Variants in DENND1A observed in about 807,000 individuals in gnomAD.
DENND1A encodes DENN domain-containing protein 1A.
In DENND1A, 51 loss-of-function variants were observed where a neutral mutation model predicts 113.7. The ratio of observed to expected loss-of-function variants is 0.45; its 90% CI spans 0.36 to 0.57. The LOEUF is 0.57. DENND1A is among the 20% of genes least tolerant of loss of function. The pLI is 0.00. For synonymous variants in DENND1A, 565 were observed against 570.8 expected (o/e 0.99, Z 0.14); for missense variants, 1,258 against 1,395.9 (o/e 0.90, Z 1.57).
chr9:123,499,054 G>T lies in DENND1A; in HGVS notation c.994-41157C>A, dbSNP rs892466123. 5.3e-5 allele frequency among the ~76,000 whole-genome samples: 8 copies of T among 151,630 alleles called. No homozygotes were observed. The East Asian group carries it at 1.6e-3, about 30-fold the overall frequency. On this transcript the variant is annotated intron_variant, in intron 13 of 23. Coordinates refer to ENST00000394215, the MANE Select transcript of DENND1A (RefSeq NM_001352964.2). ...AAAAAATCTTTTCTTTTTTGTTTGA[G>T]ACTGAGTTTCACTCTGTTGCCCAGA... is the stretch of plus-strand genomic sequence containing the variant.
intron 10 of DENND1A, among the ~76,000 whole-genome samples, chr9:123,619,585 A>G (rs746478364): frequency 6.6e-6 from 1 of 152,170 alleles, no homozygotes; most frequent in Middle Eastern, 3.4e-3. Flanking sequence ...ACACCTGGCT[A>G]ATTTTTGTAT....
rs117992311 is a variant in DENND1A at position 123,881,727 on chromosome 9, G to C, written c.18-2706C>G. 5.1e-3 allele frequency among the ~76,000 whole-genome samples: 773 copies of C among 152,324 alleles called. 5 individuals are homozygous for C. Among genetic ancestry groups the C allele is most frequent in the South Asian group, 8.7e-3 (42 of 4,830 alleles). ...ACCACAGGGTGTTTTGTACAGCCCT[G>C]CTATCTAAGTGAAAAATGGCCTAAT... is the stretch of plus-strand genomic sequence containing the variant. On this transcript the variant is annotated intron_variant, in intron 1 of 23. Coordinates refer to ENST00000394215, the MANE Select transcript of DENND1A (RefSeq NM_001352964.2).
intron 13 of DENND1A, among the ~76,000 whole-genome samples, chr9:123,515,133 A>G (rs963839078): frequency 1.8e-4 from 28 of 152,350 alleles, no homozygotes; most frequent in African/African-American, 6.5e-4. Context: ...AGACATAACA[A>G]CCATAGGCAA....
intron 14 of DENND1A, 91 bp from the exon 15 acceptor site, chr9:123,457,526 G>A (rs962743871): frequency 1.1e-5 from 12 of 1,095,098 alleles, no homozygotes; most frequent in Non-Finnish European, 1.6e-5. Flanking sequence ...TCCAAGGTAG[G>A]AGTTTTCAAA....
At chr9:123,547,009 C>T (rs915506440) in intron 13 of DENND1A, among the ~76,000 whole-genome samples, 7 of 152,188 alleles carry the variant, frequency 4.6e-5, no homozygotes, top group African/African-American at 1.7e-4. Flanking sequence ...CTACTTTTTA[C>T]TTGGGCAGTC....
At chr9:123,755,543 G>A (rs2070462771) in intron 5 of DENND1A, among the ~76,000 whole-genome samples, 1 of 149,926 alleles carries the variant, frequency 6.7e-6, no homozygotes, top group African/African-American at 2.5e-5. Context: ...TTACAGGAGT[G>A]AGCCCACGTG....
At chr9:123,461,637 T>C (rs2048533522) in intron 13 of DENND1A, among the ~76,000 whole-genome samples, 1 of 152,144 alleles carries the variant, frequency 6.6e-6, no homozygotes, top group Admixed American at 6.5e-5. Context: ...ACCAGATTCG[T>C]AGATGAGGTA....
intron 13 of DENND1A, among the ~76,000 whole-genome samples, chr9:123,544,477 T>G (rs931180835): frequency 3.3e-5 from 5 of 152,202 alleles, no homozygotes; most frequent in African/African-American, 1.2e-4. Flanking sequence ...TGAAATGCCC[T>G]CAAATCACAT....
At chr9:123,835,356 C>T (rs897916218) in intron 2 of DENND1A, among the ~76,000 whole-genome samples, 1 of 152,012 alleles carries the variant, frequency 6.6e-6, no homozygotes. Context: ...ATTTTTACAA[C>T]GCAGCTGATT....
chr9:123,819,803 C>T lies in DENND1A; in HGVS notation c.89-27173G>A, dbSNP rs117450134. Among the ~76,000 whole-genome samples the T allele has an allele frequency of 7.9e-5, 12 of 152,272 alleles. No homozygotes were observed. The East Asian group carries it at 2.1e-3, about 27-fold the overall frequency. Reference sequence around the variant, plus strand: ...TCAGCCAGCCTCGGATCCTAGAGTGCTAGGCTTACAGGTGTGAGCCACCAT... The same window carrying T: ...TCAGCCAGCCTCGGATCCTAGAGTGTTAGGCTTACAGGTGTGAGCCACCAT... On this transcript the variant is annotated intron_variant, in intron 2 of 23. Coordinates refer to ENST00000394215, the MANE Select transcript of DENND1A (RefSeq NM_001352964.2).
intron 19 of DENND1A, among the ~76,000 whole-genome samples, chr9:123,438,864 A>T (rs558857925): frequency 6.6e-6 from 1 of 152,320 alleles, no homozygotes; most frequent in Non-Finnish European, 1.5e-5. Context: ...GTCTTTCTCC[A>T]TTTCAAATAG....
chr9:123,542,971 A>G (rs1414117356), intron 13 of DENND1A, among the ~76,000 whole-genome samples: 1 of 152,190 alleles, frequency 6.6e-6, no homozygotes, highest in African/African-American at 2.4e-5. Context: ...CACACTGATT[A>G]AGCTGCTGGA....
chr9:123,888,755 T>C (rs1438363456), intron 1 of DENND1A, among the ~76,000 whole-genome samples: 3 of 152,334 alleles, frequency 2.0e-5, no homozygotes, highest in East Asian at 3.9e-4. Flanking sequence ...CAATGTGTGA[T>C]TCTTTTGCTG....
At chr9:123,611,824 CT>C (rs1399314074) in intron 10 of DENND1A, among the ~76,000 whole-genome samples, 1 of 152,188 alleles carries the variant, frequency 6.6e-6, no homozygotes, top group Non-Finnish European at 1.5e-5. Context: ...ATGCTACACC[CT>C]TTTGTCCTAC....
intron 5 of DENND1A, among the ~76,000 whole-genome samples, chr9:123,709,769 A>G (rs1013981145): frequency 6.6e-6 from 1 of 152,246 alleles, no homozygotes; most frequent in African/African-American, 2.4e-5. Context: ...TGAAAGCTGC[A>G]AAATATATGA....
At chr9:123,437,668 G>T (rs537361550) in intron 19 of DENND1A, 1 of 152,294 alleles carries the variant, frequency 6.6e-6, no homozygotes, top group South Asian at 2.1e-4. Context: ...GAGAGCTGGT[G>T]TGGGCTCGAG....
intron 19 of DENND1A, among the ~76,000 whole-genome samples, chr9:123,427,025 A>G (rs1054421635): frequency 9.2e-5 from 14 of 152,334 alleles, no homozygotes; most frequent in African/African-American, 3.4e-4. Flanking sequence ...CATCTATTTC[A>G]CAGTGATCTC....
chr9:123,427,559 A>C, intron 19 of DENND1A, among the ~76,000 whole-genome samples: 1 of 149,638 alleles, frequency 6.7e-6, no homozygotes, highest in Non-Finnish European at 1.5e-5. Flanking sequence ...TCTGACCTTG[A>C]CTCTCAGCCC....
At chr9:123,559,325 T>C (rs1323388215) in intron 12 of DENND1A, among the ~76,000 whole-genome samples, 1 of 152,056 alleles carries the variant, frequency 6.6e-6, no homozygotes, top group Non-Finnish European at 1.5e-5. Flanking sequence ...AGGTAACATA[T>C]CAAGAGCACG....
Sources: gnomAD v4.1 joint callset for allele counts (sites outside exome capture counted in the v4.1 genomes callset) on GRCh38, gnomAD v4.1.1 for gene constraint, MANE v1.5 for transcripts, NCBI Gene and HGNC (gene_info 2026-07-23, HGNC 2026-07-21) for gene names.